Variants in ASCC1 observed in about 807,000 individuals in gnomAD.
ASCC1 encodes activating signal cointegrator 1 complex subunit 1, also known as ASC-1 complex subunit P50.
Under a neutral mutation model 46.6 loss-of-function variants are expected in ASCC1, and 35 were observed. The ratio of observed to expected loss-of-function variants is 0.75; its 90% CI spans 0.57 to 0.99. The LOEUF (loss-of-function observed/expected upper bound fraction) is 0.99. Among genes scored for constraint, ASCC1 ranks in the 50% least tolerant of loss-of-function variants. ASCC1 has a pLI of 0.00. For missense variants in ASCC1, 376 were observed against 428.7 expected (o/e 0.88, Z 1.09); for synonymous variants, 143 against 146.6 (o/e 0.98, Z 0.18).
At chr10:72,121,320 T>C (rs1361612977) in intron 9 of ASCC1, among the ~76,000 whole-genome samples, 1 of 151,974 alleles carries the variant, frequency 6.6e-6, no homozygotes, top group South Asian at 2.1e-4. Context: ...ATTTTTTTAA[T>C]TTTTTGTAGA....
intron 9 of ASCC1, among the ~76,000 whole-genome samples, chr10:72,114,638 A>G (rs1279837776): frequency 1.3e-5 from 2 of 152,002 alleles, no homozygotes; most frequent in African/African-American, 4.8e-5. Flanking sequence ...AAAAAAAAAA[A>G]AAAAGAAACA....
chr10:72,148,954 A>G (rs893064029), intron 7 of ASCC1, among the ~76,000 whole-genome samples: 1 of 152,170 alleles, frequency 6.6e-6, no homozygotes, highest in Non-Finnish European at 1.5e-5. Flanking sequence ...CTAACTACAT[A>G]TCTGTATCTG....
At chr10:72,103,081 C>T (rs1841964917) in intron 9 of ASCC1, 3 of 357,218 alleles carry the variant, frequency 8.4e-6, no homozygotes, top group South Asian at 2.1e-5. Context: ...ACACATGTGC[C>T]AGGAATTATC....
chr10:72,193,761 T>C (rs1451320618), intron 5 of ASCC1, among the ~76,000 whole-genome samples: 2 of 152,096 alleles, frequency 1.3e-5, no homozygotes, highest in African/African-American at 2.4e-5. Flanking sequence ...GTTTAAAAAG[T>C]TAAAGTCTTA....
At chr10:72,128,315 A>G in intron 8 of ASCC1, 148 bp from the exon 9 acceptor site, 1 of 700,610 alleles carries the variant, frequency 1.4e-6, no homozygotes, top group Non-Finnish European at 2.6e-6. Flanking sequence ...CAGGCTATGA[A>G]TCAAGAGACC....
intron 2 of ASCC1, among the ~76,000 whole-genome samples, chr10:72,212,636 T>A (rs1208879351): frequency 6.6e-6 from 1 of 152,060 alleles, no homozygotes; most frequent in Non-Finnish European, 1.5e-5. Flanking sequence ...TCACTTGAGG[T>A]CAGGAGTTTG....
At chr10:72,172,707 T>C (rs1302390986) in intron 5 of ASCC1, among the ~76,000 whole-genome samples, 1 of 139,202 alleles carries the variant, frequency 7.2e-6, no homozygotes, top group Non-Finnish European at 1.5e-5. Context: ...ATAATATATA[T>C]ATTATATATA....
chr10:72,096,248 G>C lies in ASCC1; in HGVS notation c.*1086C>G, dbSNP rs115934788. The C allele has an allele frequency of 8.9e-3, 4,056 of 454,048 alleles. 143 individuals carry two copies. Among genetic ancestry groups the C allele is most frequent in the African/African-American group, 0.075 (3,743 of 50,102 alleles). 28.1% of individuals were successfully genotyped at this position (454,048 alleles called of 1,614,324 possible). The stretch of plus-strand genomic sequence containing the variant: ...GAGGAGGCAGGGGTGGGAGGCTGGG[G>C]CTCCCCAGCATTCCCGCCTCCCTCT... On this transcript the variant is annotated 3_prime_UTR_variant, in exon 10 of 10. Transcript: ENST00000672957.
At chr10:72,191,100 C>T (rs997550938) in intron 5 of ASCC1, among the ~76,000 whole-genome samples, 3 of 150,480 alleles carry the variant, frequency 2.0e-5, no homozygotes, top group African/African-American at 7.3e-5. Context: ...CTCTGTCGCC[C>T]AGGCTGGAGT....
At chr10:72,190,398 C>T in intron 5 of ASCC1, 1 of 1,595,572 alleles carries the variant, frequency 6.3e-7, no homozygotes, top group Non-Finnish European at 8.5e-7. Context: ...AGAAGAAATC[C>T]TGACACCCAG....
chr10:72,132,252 T>C (rs915352588), intron 8 of ASCC1, among the ~76,000 whole-genome samples: 2 of 152,202 alleles, frequency 1.3e-5, no homozygotes, highest in Admixed American at 1.3e-4. Flanking sequence ...TGCTAGTGTA[T>C]TTTGAACCAC....
At chr10:72,113,248 CTAT>C (rs1295781809) in intron 9 of ASCC1, among the ~76,000 whole-genome samples, 1 of 152,134 alleles carries the variant, frequency 6.6e-6, no homozygotes, top group African/African-American at 2.4e-5. Context: ...CTATTTCTTG[CTAT>C]TGTGCTGGCT....
In ASCC1 at chr10:72,161,556, C is replaced by A. The variant is rs1033931780; in HGVS notation, c.608G>T (p.Cys203Phe). The A allele has an allele frequency of 1.9e-6, 3 of 1,614,200 alleles. No individual in the cohort carries two copies. The highest frequency in any genetic ancestry group is 2.5e-6 in the Non-Finnish European group (3 of 1,180,046). The change falls in exon 6 of 10, where the codon TGT (cysteine) becomes TTT (phenylalanine). Residue 203 changes from cysteine to phenylalanine, a missense_variant. Coordinates refer to ENST00000672957, the MANE Select transcript of ASCC1 (RefSeq NM_001198800.3). ...IQQTCEMLQQ[C>F]KEEFINDISG... is the part of the protein sequence containing the mutation. ...TACTCACTTAATGAATTCCTCTTTA[C>A]ACTGCTGTAGCATCTCACATGTCTG... is the stretch of plus-strand genomic sequence containing the variant.
At chr10:72,103,212 A>G (rs1841989612) in intron 9 of ASCC1, among the ~76,000 whole-genome samples, 1 of 151,014 alleles carries the variant, frequency 6.6e-6, no homozygotes, top group South Asian at 2.1e-4. Flanking sequence ...AGCTCACTGC[A>G]AGCTCCACCT....
intron 6 of ASCC1, among the ~76,000 whole-genome samples, chr10:72,155,139 A>G (rs1175540899): frequency 1.3e-5 from 2 of 152,222 alleles, no homozygotes; most frequent in Non-Finnish European, 2.9e-5. Flanking sequence ...CCCTGGAAGG[A>G]TACAGAGAAA....
intron 9 of ASCC1, among the ~76,000 whole-genome samples, chr10:72,109,816 T>C (rs774341643): frequency 6.6e-6 from 1 of 151,862 alleles, no homozygotes; most frequent in Non-Finnish European, 1.5e-5. Context: ...GGGTAGGAGG[T>C]AGAGGAGAAA....
At chr10:72,213,828 A>G (rs1448382626) in intron 1 of ASCC1, among the ~76,000 whole-genome samples, 2 of 150,878 alleles carry the variant, frequency 1.3e-5, no homozygotes, top group African/African-American at 4.9e-5. Context: ...TCACAAGGTC[A>G]GGAGTTCAAG....
intron 8 of ASCC1, among the ~76,000 whole-genome samples, chr10:72,132,525 TCATGGGGGACCGTCC>T (rs766775382): frequency 6.6e-6 from 1 of 152,182 alleles, no homozygotes; most frequent in Non-Finnish European, 1.5e-5. Context: ...TAATTCTTTG[TCATGGGGGACCGTCC>T]CATGCATTGT....
chr10:72,162,802 G>A (rs1487799583), intron 5 of ASCC1, among the ~76,000 whole-genome samples: 4 of 152,016 alleles, frequency 2.6e-5, no homozygotes, highest in Non-Finnish European at 2.9e-5. Flanking sequence ...AATTAGCTGG[G>A]TGTGGTGGCA....
Sources: gnomAD v4.1 joint callset for allele counts (sites outside exome capture counted in the v4.1 genomes callset) on GRCh38, gnomAD v4.1.1 for gene constraint, MANE v1.5 for transcripts, NCBI Gene and HGNC (gene_info 2026-07-23, HGNC 2026-07-21) for gene names.